The following PRIMA1 variants were observed in gnomAD, a reference collection of about 807,000 sequenced individuals.
The protein encoded by PRIMA1 is proline rich membrane anchor 1.
PRIMA1 carries 7 observed loss-of-function variants against 17.5 expected under a neutral mutation model. The ratio of observed to expected loss-of-function variants is 0.40; its 90% CI spans 0.23 to 0.75. The LOEUF (loss-of-function observed/expected upper bound fraction) is 0.75, where lower values mean the gene tolerates loss of function less well. Among genes scored for constraint, PRIMA1 ranks in the 30% least tolerant of loss-of-function variants. The pLI, the probability that PRIMA1 is intolerant of heterozygous loss-of-function variation, is 0.37. For synonymous variants in PRIMA1, 97 were observed against 77.9 expected (o/e 1.25, Z -1.29); for missense variants, 200 against 201.8 (o/e 0.99, Z 0.05).
intron 3 of PRIMA1, among the ~76,000 whole-genome samples, chr14:93,769,484 G>A (rs1197954405): frequency 1.3e-5 from 2 of 152,176 alleles, no homozygotes; most frequent in Non-Finnish European, 2.9e-5. Context: ...CAGTGAGCTG[G>A]GCATGAACAC....
rs2076019260 is a variant in PRIMA1, at chr14:93,718,764, C to A, written c.*2680G>T. 6.6e-6 allele frequency: 1 copy of A among 152,478 alleles called. No homozygotes were observed. Among genetic ancestry groups the A allele is most frequent in the Non-Finnish European group, 1.5e-5 (1 of 68,000 alleles). The allele number at this position is 152,478 out of a possible 1,614,324, so 9.4% of individuals were successfully genotyped here. A position where few individuals can be genotyped will look rare whatever the true frequency, so the allele number is the denominator to read the frequency against. ...AGAAGCTTCTTAGGAACACCTGAAACCTCTGGGAGATCCTATGATCTGAGT... is the reference window on the plus strand; with the variant it reads ...AGAAGCTTCTTAGGAACACCTGAAAACTCTGGGAGATCCTATGATCTGAGT... On this transcript the variant is annotated 3_prime_UTR_variant, in exon 5 of 5. Transcript: ENST00000393140.
chr14:93,775,954 T>C (rs956812722), intron 3 of PRIMA1, among the ~76,000 whole-genome samples: 1 of 152,146 alleles, frequency 6.6e-6, no homozygotes, highest in Admixed American at 6.5e-5. Flanking sequence ...CCATGATTGG[T>C]CCACAGGTGG....
intron 4 of PRIMA1, among the ~76,000 whole-genome samples, chr14:93,735,257 C>G (rs1017553093): frequency 1.3e-5 from 2 of 152,204 alleles, no homozygotes; most frequent in African/African-American, 4.8e-5. Flanking sequence ...TTCAGTACTT[C>G]CTAGTGTCTA....
At chr14:93,735,392 C>T (rs1055818768) in intron 4 of PRIMA1, among the ~76,000 whole-genome samples, 1 of 152,216 alleles carries the variant, frequency 6.6e-6, no homozygotes, top group African/African-American at 2.4e-5. Flanking sequence ...TCACAGGTGC[C>T]TTGACCTAGA....
intron 4 of PRIMA1, among the ~76,000 whole-genome samples, chr14:93,731,948 A>T (rs1023053786): frequency 6.6e-6 from 1 of 152,234 alleles, no homozygotes; most frequent in Non-Finnish European, 1.5e-5. Context: ...GCCCAGCAAT[A>T]AGTGGTGCTT....
intron 3 of PRIMA1, among the ~76,000 whole-genome samples, chr14:93,773,779 G>A (rs1280649230): frequency 2.0e-5 from 3 of 152,198 alleles, no homozygotes; most frequent in Non-Finnish European, 4.4e-5. Context: ...TGAAGTGGGG[G>A]AGGGAAGTCA....
At chr14:93,782,129 G>T (rs192810254) in intron 2 of PRIMA1, among the ~76,000 whole-genome samples, 3 of 152,122 alleles carry the variant, frequency 2.0e-5, no homozygotes, top group Admixed American at 6.6e-5. Flanking sequence ...TTAGCCGGGC[G>T]TGGCGGTGGG....
chr14:93,729,838 T>C (rs1176869909), intron 4 of PRIMA1, among the ~76,000 whole-genome samples: 1 of 149,794 alleles, frequency 6.7e-6, no homozygotes, highest in Non-Finnish European at 1.5e-5. Flanking sequence ...AGGGGACCGC[T>C]GAGTCAGGGT....
chr14:93,741,086 C>G (rs560081875), intron 3 of PRIMA1, among the ~76,000 whole-genome samples: 4 of 152,288 alleles, frequency 2.6e-5, no homozygotes, highest in African/African-American at 9.6e-5. Context: ...CTACCAGAGG[C>G]AAAAACACTA....
intron 2 of PRIMA1, among the ~76,000 whole-genome samples, chr14:93,783,257 C>A (rs1182640301): frequency 6.6e-6 from 1 of 152,238 alleles, no homozygotes; most frequent in East Asian, 1.9e-4. Flanking sequence ...TCCCACTTCG[C>A]CCTGGGCATA....
rs1156948892 is a variant in PRIMA1, at chr14:93,787,650, G to A, written c.69C>T (p.Leu23=). Residue 23 remains leucine, a synonymous_variant, in exon 2 of 5, where the codon CTC becomes CTT. Coordinates refer to ENST00000393140, the MANE Select transcript of PRIMA1 (RefSeq NM_178013.4). ...CCTGCACGAAGCCCCAGAGCGGGTG[G>A]AGCGCGCAGTGCAGCAGCAGCGAGG... is the stretch of plus-strand genomic sequence containing the variant. ...CWSSLLLHCA[L]HPLWGFVQVT... 2 of 1,542,882 alleles carry A rather than the reference G, an allele frequency of 1.3e-6. No homozygotes were observed. Among genetic ancestry groups the A allele is most frequent in the South Asian group, 1.2e-5 (1 of 84,028 alleles).
At chr14:93,735,506 C>A (rs1370238507) in intron 4 of PRIMA1, among the ~76,000 whole-genome samples, 2 of 152,150 alleles carry the variant, frequency 1.3e-5, no homozygotes, top group African/African-American at 4.8e-5. Flanking sequence ...CTCCTCCGGG[C>A]AGCCACAGCG....
In PRIMA1 at chr14:93,765,990, A is replaced by T. The variant is rs79329537; in HGVS notation, c.229+13186T>A. 8.0e-3 allele frequency among the ~76,000 whole-genome samples: 1,225 copies of T among 152,330 alleles called. 13 individuals are homozygous for T. Among genetic ancestry groups the T allele is most frequent in the African/African-American group, 0.028 (1,153 of 41,580 alleles). ...GTAGTGACCTAAAACTGAACCCAAC[A>T]TGAAGCTGCTAAGAAAAGAAGAAGC... is the stretch of plus-strand genomic sequence containing the variant. On this transcript the variant is annotated intron_variant, in intron 3 of 4. Coordinates refer to ENST00000393140, the MANE Select transcript of PRIMA1 (RefSeq NM_178013.4).
At chr14:93,787,861 C>G in intron 1 of PRIMA1, 112 bp from the exon 2 acceptor site, 1 of 1,303,718 alleles carries the variant, frequency 7.7e-7, no homozygotes, top group Non-Finnish European at 1.0e-6. Context: ...CACCCAGGGG[C>G]ACCCTAGTAA....
intron 3 of PRIMA1, among the ~76,000 whole-genome samples, chr14:93,771,546 C>T (rs147530827): frequency 0.015 from 2,332 of 152,230 alleles, 65 homozygotes; most frequent in African/African-American, 0.053. Context: ...GACAGACTAT[C>T]GGTGCATGAA....
At chr14:93,757,869 G>C (rs1026041230) in intron 3 of PRIMA1, among the ~76,000 whole-genome samples, 2 of 152,226 alleles carry the variant, frequency 1.3e-5, no homozygotes, top group African/African-American at 2.4e-5. Context: ...GTGTGTGAAG[G>C]AGGGAGCCTC....
chr14:93,742,617 G>C (rs79897303), intron 3 of PRIMA1, among the ~76,000 whole-genome samples: 1 of 152,122 alleles, frequency 6.6e-6, no homozygotes, highest in African/African-American at 2.4e-5. Context: ...GGAGGTGGAC[G>C]TGTGGACCCA....
At chr14:93,783,256 G>A (rs1030751277) in intron 2 of PRIMA1, among the ~76,000 whole-genome samples, 2 of 152,174 alleles carry the variant, frequency 1.3e-5, no homozygotes, top group African/African-American at 2.4e-5. Context: ...CTCCCACTTC[G>A]CCCTGGGCAT....
chr14:93,756,683 C>T (rs941486515), intron 3 of PRIMA1, among the ~76,000 whole-genome samples: 1 of 152,158 alleles, frequency 6.6e-6, no homozygotes, highest in African/African-American at 2.4e-5. Flanking sequence ...TATCCAGCTG[C>T]GACTCAGTGT....
Sources: allele counts gnomAD v4.1 joint callset (sites outside exome capture counted in the v4.1 genomes callset), GRCh38; gene constraint gnomAD v4.1.1; transcripts MANE v1.5; gene names NCBI Gene and HGNC (gene_info 2026-07-23, HGNC 2026-07-21).